Variants in RAB27B observed in about 807,000 individuals in gnomAD.
RAB27B encodes the protein RAB27B, member RAS oncogene family, also known as ras-related protein Rab-27B.
Under a neutral mutation model 24.6 loss-of-function variants are expected in RAB27B, and 15 were observed. That is an observed-to-expected ratio of 0.61 (90% CI 0.41 to 0.94). The LOEUF (loss-of-function observed/expected upper bound fraction) is 0.94. RAB27B is among the 40% of genes least tolerant of loss of function. The pLI is 0.00. For synonymous variants in RAB27B, 105 were observed against 92.5 expected (o/e 1.14, Z -0.78); for missense variants, 261 against 266.8 (o/e 0.98, Z 0.15).
chr18:54,792,099 T>C lies in RAB27B; in HGVS notation c.-20+73958T>C, dbSNP rs533586824. Among the ~76,000 whole-genome samples the C allele has an allele frequency of 7.9e-5, 12 of 152,304 alleles. No homozygotes were observed. The East Asian group carries it at 1.9e-3, about 25-fold the overall frequency. On this transcript the variant is annotated intron_variant, in intron 2 of 4. Coordinates refer to the RAB27B transcript ENST00000586570. ...CCTGGTGACAAGGTAGAGGGTCTAA[T>C]TGAGCTGGTTAACACAAGCCACCTG...
chr18:54,774,789 C>T (rs894384527), intron 2 of RAB27B, among the ~76,000 whole-genome samples: 1 of 152,128 alleles, frequency 6.6e-6, no homozygotes, highest in Admixed American at 6.5e-5. Context: ...CATTCTCTAT[C>T]CCATTATCCT....
intron 4 of RAB27B, chr18:54,886,030 G>A (rs952665040): frequency 6.6e-6 from 1 of 152,260 alleles, no homozygotes; most frequent in African/African-American, 2.4e-5. Flanking sequence ...TACTCCCCCA[G>A]GATCCAGTTG....
intron 2 of RAB27B, among the ~76,000 whole-genome samples, chr18:54,779,680 T>C (rs1908828310): frequency 6.6e-6 from 1 of 152,146 alleles, no homozygotes. Context: ...TCAGCATCAA[T>C]GGGAATTTGT....
intron 2 of RAB27B, among the ~76,000 whole-genome samples, chr18:54,796,597 T>C (rs1909428213): frequency 6.6e-6 from 1 of 152,158 alleles, no homozygotes; most frequent in Non-Finnish European, 1.5e-5. Flanking sequence ...GCTGTGTCAT[T>C]CTGCCATCAC....
At chr18:54,776,587 T>A (rs1159103819) in intron 2 of RAB27B, among the ~76,000 whole-genome samples, 1 of 152,232 alleles carries the variant, frequency 6.6e-6, no homozygotes, top group East Asian at 1.9e-4. Flanking sequence ...TAGTGGGTGC[T>A]GCCATGATAC....
At chr18:54,807,938 T>C (rs1909844134) in intron 2 of RAB27B, among the ~76,000 whole-genome samples, 2 of 152,186 alleles carry the variant, frequency 1.3e-5, no homozygotes, top group South Asian at 4.1e-4. Context: ...TCCATATTAC[T>C]TGGTCTTTTA....
At chr18:54,853,990 C>T (rs1488116956) in intron 1 of RAB27B, among the ~76,000 whole-genome samples, 1 of 152,104 alleles carries the variant, frequency 6.6e-6, no homozygotes, top group African/African-American at 2.4e-5. Flanking sequence ...TAATATTCCT[C>T]CTTTACTCCC....
intron 1 of RAB27B, among the ~76,000 whole-genome samples, chr18:54,856,965 A>T (rs551098104): frequency 6.6e-6 from 1 of 152,312 alleles, no homozygotes; most frequent in East Asian, 1.9e-4. Context: ...GTTGCTTTTC[A>T]AATGTTTTTA....
In RAB27B at chr18:54,888,931, T is replaced by C. The variant is rs533360918; in HGVS notation, c.468-293T>C. Among the ~76,000 whole-genome samples, 3 of 152,238 alleles carry C rather than the reference T, an allele frequency of 2.0e-5. No individual in the cohort carries two copies. The South Asian group carries it at 6.2e-4, about 32-fold the overall frequency. ...GTAGTTTTATTGATCAGAGGGTATT[T>C]TTCCCCTCCTAATTTTTTTAAACAG... On this transcript the variant is annotated intron_variant, in intron 5 of 5. Coordinates refer to ENST00000262094, the MANE Select transcript of RAB27B (RefSeq NM_004163.4).
At chr18:54,853,729 T>C (rs1209444416) in intron 1 of RAB27B, among the ~76,000 whole-genome samples, 1 of 152,252 alleles carries the variant, frequency 6.6e-6, no homozygotes. Context: ...GTAATTCCCT[T>C]CATCCACTTT....
chr18:54,812,863 G>A (rs534029650), intron 2 of RAB27B, among the ~76,000 whole-genome samples: 69 of 152,170 alleles, frequency 4.5e-4, no homozygotes, highest in Non-Finnish European at 8.7e-4. Flanking sequence ...CCAAATAGTT[G>A]CAAATAAAAC....
At chr18:54,870,726 C>T (rs1912429035) in intron 1 of RAB27B, among the ~76,000 whole-genome samples, 1 of 152,094 alleles carries the variant, frequency 6.6e-6, no homozygotes, top group African/African-American at 2.4e-5. Context: ...TCTTAAAAAG[C>T]CAACTTAACA....
At chr18:54,873,261 G>A (rs1462636792) in intron 1 of RAB27B, among the ~76,000 whole-genome samples, 2 of 152,122 alleles carry the variant, frequency 1.3e-5, no homozygotes, top group Non-Finnish European at 2.9e-5. Flanking sequence ...TCATGGGTGT[G>A]ATACATTTCA....
At chr18:54,801,492 A>G (rs1216878128) in intron 2 of RAB27B, among the ~76,000 whole-genome samples, 1 of 152,116 alleles carries the variant, frequency 6.6e-6, no homozygotes, top group Non-Finnish European at 1.5e-5. Flanking sequence ...CAGCTTCCCC[A>G]TGATGCCCTA....
intron 2 of RAB27B, among the ~76,000 whole-genome samples, chr18:54,775,294 T>G (rs572008196): frequency 6.6e-6 from 1 of 152,272 alleles, no homozygotes; most frequent in Non-Finnish European, 1.5e-5. Flanking sequence ...GCAGCTGCGC[T>G]TCAGACCTTA....
At chr18:54,776,155 G>A (rs1908708779) in intron 2 of RAB27B, among the ~76,000 whole-genome samples, 1 of 152,232 alleles carries the variant, frequency 6.6e-6, no homozygotes, top group African/African-American at 2.4e-5. Context: ...TAGCCTGTTA[G>A]TGTTTCTGAT....
chr18:54,790,991 A>G (rs2074520592), intron 2 of RAB27B, among the ~76,000 whole-genome samples: 1 of 152,232 alleles, frequency 6.6e-6, no homozygotes, highest in Admixed American at 6.5e-5. Flanking sequence ...TCTGTTGCTA[A>G]GACTATTGCA....
intron 1 of RAB27B, among the ~76,000 whole-genome samples, chr18:54,863,080 A>G (rs1029654959): frequency 1.3e-5 from 2 of 152,194 alleles, no homozygotes; most frequent in Non-Finnish European, 2.9e-5. Context: ...ATTGTTTTAA[A>G]GATTAAATGT....
chr18:54,728,903 C>CCA (rs1909634328), intron 2 of RAB27B, among the ~76,000 whole-genome samples: 63 of 68,268 alleles, frequency 9.2e-4, no homozygotes, highest in South Asian at 4.9e-3. Flanking sequence ...AAAAAAAACC[C>CCA]AAAAAAAAAA....
Sources: gnomAD v4.1 joint callset for allele counts (sites outside exome capture counted in the v4.1 genomes callset) on GRCh38, gnomAD v4.1.1 for gene constraint, MANE v1.5 for transcripts, NCBI Gene and HGNC (gene_info 2026-07-23, HGNC 2026-07-21) for gene names.